CYTH3: variants seen among roughly 807,000 people sequenced by gnomAD.
The protein encoded by CYTH3 is cytohesin 3, also known as cytohesin-3.
Under a neutral mutation model 55.1 loss-of-function variants are expected in CYTH3, and 23 were observed. That is an observed-to-expected ratio of 0.42 (90% CI 0.30 to 0.59). The LOEUF is 0.59. Ranked by LOEUF, CYTH3 falls within the 20% of genes least tolerant of loss-of-function variation. The pLI is 0.20. For missense variants in CYTH3, 413 were observed against 524.8 expected, an observed-to-expected ratio of 0.79 and a Z score of 2.08; for synonymous variants, 249 against 194.9, an observed-to-expected ratio of 1.28 and a Z score of -2.31.
chr7:6,211,983 C>T (rs751475511), intron 1 of CYTH3, among the ~76,000 whole-genome samples: 1 of 152,046 alleles, frequency 6.6e-6, no homozygotes, highest in Non-Finnish European at 1.5e-5. Context: ...GAGACGCTGT[C>T]TCAAAAATAA....
chr7:6,211,165 G>A (rs895156692), intron 1 of CYTH3, among the ~76,000 whole-genome samples: 2 of 152,100 alleles, frequency 1.3e-5, no homozygotes, highest in African/African-American at 4.8e-5. Context: ...CCCCTCCTGT[G>A]AACCACTCTC....
At chr7:6,191,351 G>A (rs1027208127) in intron 1 of CYTH3, among the ~76,000 whole-genome samples, 30 of 152,082 alleles carry the variant, frequency 2.0e-4, no homozygotes, top group Non-Finnish European at 8.8e-5. Context: ...ACAGGCCGAC[G>A]AAAATATGAT....
At chr7:6,181,530 T>C (rs960798461) in intron 4 of CYTH3, among the ~76,000 whole-genome samples, 3 of 152,244 alleles carry the variant, frequency 2.0e-5, no homozygotes, top group Non-Finnish European at 4.4e-5. Flanking sequence ...CTTTCCTTCC[T>C]GGGAAATTTA....
chr7:6,190,116 A>G (rs1783761159), intron 2 of CYTH3, among the ~76,000 whole-genome samples: 1 of 152,190 alleles, frequency 6.6e-6, no homozygotes, highest in African/African-American at 2.4e-5. Context: ...TGACAGAGCA[A>G]TGCGCTCGTG....
intron 1 of CYTH3, among the ~76,000 whole-genome samples, chr7:6,197,999 T>G (rs1023449407): frequency 6.9e-6 from 1 of 144,502 alleles, no homozygotes; most frequent in South Asian, 2.2e-4. Flanking sequence ...GAGGCTGAAG[T>G]GGGGGGATCG....
At chr7:6,259,085 C>A (rs1780209455) in intron 1 of CYTH3, among the ~76,000 whole-genome samples, 1 of 152,152 alleles carries the variant, frequency 6.6e-6, no homozygotes, top group African/African-American at 2.4e-5. Flanking sequence ...AAAGGAAACT[C>A]TGATGTCCAA....
intron 1 of CYTH3, among the ~76,000 whole-genome samples, chr7:6,268,555 C>CTCAT (rs1392244053): frequency 6.6e-6 from 1 of 152,210 alleles, no homozygotes; most frequent in Non-Finnish European, 1.5e-5. Context: ...ACTTTACAAC[C>CTCAT]TCATTAACCA....
intron 1 of CYTH3, among the ~76,000 whole-genome samples, chr7:6,207,086 CTTTTTTTTTTTTT>C (rs58910123): frequency 1.9e-5 from 2 of 104,090 alleles, no homozygotes; most frequent in African/African-American, 4.1e-5. Flanking sequence ...AAATGTGCAA[CTTTTTTTTTTTTT>C]TTTTTTTTTT....
chr7:6,208,407 C>T (rs549401761), intron 1 of CYTH3, among the ~76,000 whole-genome samples: 1 of 152,326 alleles, frequency 6.6e-6, no homozygotes, highest in South Asian at 2.1e-4. Context: ...ATGTGTCTTA[C>T]CAAATGCAGT....
chr7:6,227,078 TAAAAAA>T (rs397755364), intron 1 of CYTH3, among the ~76,000 whole-genome samples: 3 of 112,880 alleles, frequency 2.7e-5, no homozygotes, highest in Admixed American at 9.6e-5. Flanking sequence ...AGACTCTGTC[TAAAAAA>T]AAAAAAAAAA....
Position 6,164,123 on chromosome 7 carries a change from G to A in CYTH3, c.*821C>T, listed in dbSNP as rs1241921840. 2.0e-5 allele frequency: 3 copies of A among 152,354 alleles called. No individual in the cohort carries two copies. The highest frequency in any genetic ancestry group is 4.8e-5 in the African/African-American group (2 of 41,454). The allele number at this position is 152,354 out of a possible 1,614,324, so 9.4% of individuals were successfully genotyped here. On this transcript the variant is annotated 3_prime_UTR_variant, in exon 13 of 13. Coordinates refer to ENST00000350796, the MANE Select transcript of CYTH3 (RefSeq NM_004227.4). ...AAGCCTGGTTGAAGGGAGGCCTCAT[G>A]GGAGTCACCCTGGAGCCCCCAAGTG...
At chr7:6,205,674 C>T (rs527333607) in intron 1 of CYTH3, among the ~76,000 whole-genome samples, 12 of 151,898 alleles carry the variant, frequency 7.9e-5, no homozygotes, top group East Asian at 5.8e-4. Context: ...ACTTAAGATG[C>T]TACCACAGCG....
intron 1 of CYTH3, among the ~76,000 whole-genome samples, chr7:6,195,183 T>C (rs1783895609): frequency 6.6e-6 from 1 of 152,138 alleles, no homozygotes; most frequent in Admixed American, 6.5e-5. Context: ...GTACTGTAGG[T>C]ACTGTGATCC....
intron 1 of CYTH3, among the ~76,000 whole-genome samples, chr7:6,259,762 TA>T (rs1469206453): frequency 1.2e-4 from 3 of 25,612 alleles, no homozygotes; most frequent in East Asian, 1.7e-3. Context: ...ATATATTATA[TA>T]TATATATATT....
chr7:6,216,151 C>T (rs1053780455), intron 1 of CYTH3, among the ~76,000 whole-genome samples: 5 of 152,124 alleles, frequency 3.3e-5, no homozygotes, highest in Admixed American at 6.5e-5. Flanking sequence ...AAAAAACTTT[C>T]CTTCTCCTCT....
intron 1 of CYTH3, among the ~76,000 whole-genome samples, chr7:6,212,468 C>A (rs1362281786): frequency 1.3e-5 from 2 of 152,132 alleles, no homozygotes; most frequent in Non-Finnish European, 2.9e-5. Flanking sequence ...TCTACTTTGT[C>A]TCTATGAATT....
chr7:6,228,874 T>TA (rs1416219860), intron 1 of CYTH3, among the ~76,000 whole-genome samples: 1 of 152,228 alleles, frequency 6.6e-6, no homozygotes, highest in Non-Finnish European at 1.5e-5. Flanking sequence ...CTAATTTTGT[T>TA]AGACATTTTT....
At chr7:6,232,891 C>T (rs538328457) in intron 1 of CYTH3, among the ~76,000 whole-genome samples, 12 of 152,282 alleles carry the variant, frequency 7.9e-5, no homozygotes, top group South Asian at 2.1e-4. Context: ...ACATCCACTT[C>T]GGGTGCCAGC....
At chr7:6,239,494 C>T (rs1779617102) in intron 1 of CYTH3, among the ~76,000 whole-genome samples, 2 of 152,150 alleles carry the variant, frequency 1.3e-5, no homozygotes, top group South Asian at 4.1e-4. Flanking sequence ...TCCAAGTGAA[C>T]ATTTTCAAAA....
Sources: gnomAD v4.1 joint callset for allele counts (sites outside exome capture counted in the v4.1 genomes callset) on GRCh38, gnomAD v4.1.1 for gene constraint, MANE v1.5 for transcripts, NCBI Gene and HGNC (gene_info 2026-07-23, HGNC 2026-07-21) for gene names.